The following ARHGAP15 variants were observed in gnomAD, a reference collection of about 807,000 sequenced individuals.
ARHGAP15 encodes the protein rho GTPase-activating protein 15.
A neutral mutation model predicts 63.7 loss-of-function variants in ARHGAP15; 51 were observed. That is an observed-to-expected ratio of 0.80 (90% CI 0.64 to 1.01). The LOEUF is 1.01. Among genes scored for constraint, ARHGAP15 ranks in the 50% least tolerant of loss-of-function variants. The probability of loss-of-function intolerance (pLI) is 0.00; values close to 1 mark genes in which losing one functional copy is unlikely to be tolerated. For missense variants in ARHGAP15, 560 were observed against 564.6 expected, an observed-to-expected ratio of 0.99 and a Z score of 0.08; for synonymous variants, 191 against 193.8, an observed-to-expected ratio of 0.99 and a Z score of 0.12.
chr2:143,543,671 G>GTA (rs1445737810), intron 10 of ARHGAP15, among the ~76,000 whole-genome samples: 3 of 151,796 alleles, frequency 2.0e-5, no homozygotes, highest in Non-Finnish European at 4.4e-5. Context: ...ATATGTATGT[G>GTA]TATATATATG....
intron 3 of ARHGAP15, among the ~76,000 whole-genome samples, chr2:143,208,211 T>A (rs940199668): frequency 1.3e-5 from 2 of 152,200 alleles, no homozygotes; most frequent in African/African-American, 4.8e-5. Context: ...TTCCTTTATA[T>A]CTCATATTGA....
intron 1 of ARHGAP15, among the ~76,000 whole-genome samples, chr2:143,150,322 G>C (rs1689765433): frequency 6.6e-6 from 1 of 151,912 alleles, no homozygotes; most frequent in African/African-American, 2.4e-5. Context: ...CAAATAATTG[G>C]GAGAGCAGCT....
chr2:143,696,648 TACTG>T (rs1476104164), intron 12 of ARHGAP15, among the ~76,000 whole-genome samples: 2 of 152,162 alleles, frequency 1.3e-5, no homozygotes, highest in Admixed American at 6.5e-5. Context: ...TAATTTTTGA[TACTG>T]ACAATTATTG....
intron 8 of ARHGAP15, among the ~76,000 whole-genome samples, chr2:143,465,409 C>T (rs1691150648): frequency 6.6e-6 from 1 of 152,092 alleles, no homozygotes; most frequent in Non-Finnish European, 1.5e-5. Flanking sequence ...ATTGGACCGT[C>T]CTTAAATCAG....
At chr2:143,591,296 A>G (rs567275158) in intron 11 of ARHGAP15, among the ~76,000 whole-genome samples, 2 of 152,306 alleles carry the variant, frequency 1.3e-5, no homozygotes, top group East Asian at 3.9e-4. Flanking sequence ...TTTTCAAAAC[A>G]TATGCATTAA....
intron 3 of ARHGAP15, among the ~76,000 whole-genome samples, chr2:143,207,294 C>T (rs1279612142): frequency 1.3e-5 from 2 of 151,948 alleles, no homozygotes. Flanking sequence ...GATAATAGAT[C>T]TATTTGCCCA....
At chr2:143,573,173 G>A (rs961712187) in intron 11 of ARHGAP15, among the ~76,000 whole-genome samples, 1 of 152,126 alleles carries the variant, frequency 6.6e-6, no homozygotes, top group Non-Finnish European at 1.5e-5. Flanking sequence ...CCAACAGAAA[G>A]ATGCCTTAAA....
intron 13 of ARHGAP15, among the ~76,000 whole-genome samples, chr2:143,760,778 C>G (rs1243018984): frequency 1.3e-5 from 2 of 151,716 alleles, no homozygotes; most frequent in African/African-American, 4.8e-5. Flanking sequence ...TATTCAAAAG[C>G]AAAAATGTCA....
At chr2:143,413,927 T>TCG (rs1688553387) in intron 6 of ARHGAP15, among the ~76,000 whole-genome samples, 1 of 127,992 alleles carries the variant, frequency 7.8e-6, no homozygotes, top group Non-Finnish European at 1.6e-5. Flanking sequence ...AGGTAGGTAG[T>TCG]TGTGTGTGTG....
intron 8 of ARHGAP15, among the ~76,000 whole-genome samples, chr2:143,465,813 T>C (rs1691178951): frequency 6.6e-6 from 1 of 152,130 alleles, no homozygotes; most frequent in African/African-American, 2.4e-5. Context: ...TCTAATTTGC[T>C]TCACTTTCTC....
intron 11 of ARHGAP15, chr2:143,601,659 G>A (rs1186584434): frequency 6.6e-5 from 10 of 151,928 alleles, no homozygotes; most frequent in Non-Finnish European, 1.3e-4. Flanking sequence ...GTATGATGCA[G>A]GATTTAGTTT....
intron 13 of ARHGAP15, among the ~76,000 whole-genome samples, chr2:143,761,512 TAAAAG>T (rs750589530): frequency 6.8e-4 from 100 of 147,686 alleles, no homozygotes; most frequent in Middle Eastern, 3.5e-3. Flanking sequence ...AGCACAAACT[TAAAAG>T]AAAGTTCACA....
chr2:143,674,691 G>A (rs913871859), intron 12 of ARHGAP15, among the ~76,000 whole-genome samples: 5 of 152,154 alleles, frequency 3.3e-5, no homozygotes, highest in Admixed American at 6.6e-5. Flanking sequence ...TAAGAGGTAC[G>A]TTTATACTAT....
intron 6 of ARHGAP15, among the ~76,000 whole-genome samples, chr2:143,300,402 G>GT (rs1164756140): frequency 6.6e-6 from 1 of 152,006 alleles, no homozygotes. Context: ...ATGGTTTCAA[G>GT]TTATCTCTAA....
chr2:143,253,949 G>A (rs1193131074), intron 6 of ARHGAP15, among the ~76,000 whole-genome samples: 1 of 151,984 alleles, frequency 6.6e-6, no homozygotes, highest in Non-Finnish European at 1.5e-5. Context: ...GTTTAATTCT[G>A]CATTTATGTT....
chr2:143,222,698 T>C (rs968262488), intron 4 of ARHGAP15, among the ~76,000 whole-genome samples: 2 of 152,160 alleles, frequency 1.3e-5, no homozygotes, highest in East Asian at 1.9e-4. Context: ...GTTTTGTTGT[T>C]GTTGTTGTTG....
At position 143,501,595 on chromosome 2, in the gene ARHGAP15, T is replaced by C. The variant is rs911869580; in HGVS notation, c.826+14100T>C. On this transcript the variant is annotated intron_variant, in intron 9 of 13. Transcript: ENST00000295095. Reference sequence around the variant, plus strand: ...GTCAGATACCTCCAGTTCTCTAGCATCCGTTTCTTATGTTCATGTACACAC... The same window carrying C: ...GTCAGATACCTCCAGTTCTCTAGCACCCGTTTCTTATGTTCATGTACACAC... Among the ~76,000 whole-genome samples, 8 of 152,336 alleles carry C rather than the reference T, an allele frequency of 5.3e-5. 1 individual carries two copies. The highest frequency in any genetic ancestry group is 8.8e-5 in the Non-Finnish European group (6 of 68,024).
intron 12 of ARHGAP15, among the ~76,000 whole-genome samples, chr2:143,692,043 G>A (rs956538497): frequency 1.3e-5 from 2 of 152,208 alleles, no homozygotes; most frequent in African/African-American, 2.4e-5. Flanking sequence ...AAGTAGAGCA[G>A]GGTGTGTGTG....
At chr2:143,344,777 C>T (rs1036676196) in intron 6 of ARHGAP15, among the ~76,000 whole-genome samples, 2 of 152,000 alleles carry the variant, frequency 1.3e-5, no homozygotes, top group Non-Finnish European at 2.9e-5. Context: ...CCAGCAAGAT[C>T]CCTTCTGTGA....
Sources: allele counts gnomAD v4.1 joint callset (sites outside exome capture counted in the v4.1 genomes callset), GRCh38; gene constraint gnomAD v4.1.1; transcripts MANE v1.5; gene names NCBI Gene and HGNC (gene_info 2026-07-23, HGNC 2026-07-21).